The following SCAPER variants were observed in gnomAD, a reference collection of about 807,000 sequenced individuals.
The protein encoded by SCAPER is S-phase cyclin A associated protein in the ER, also known as S phase cyclin A-associated protein in the endoplasmic reticulum.
A neutral mutation model predicts 182.2 loss-of-function variants in SCAPER; 98 were observed. The observed-to-expected ratio is 0.54, with a 90% CI of 0.46 to 0.64. SCAPER has a LOEUF of 0.64. SCAPER is among the 30% of genes least tolerant of loss of function. SCAPER has a pLI of 0.00. For synonymous variants in SCAPER, 605 were observed against 564.6 expected, an observed-to-expected ratio of 1.07 and a Z score of -1.01; for missense variants, 1,432 against 1,690.0, an observed-to-expected ratio of 0.85 and a Z score of 2.68.
intron 29 of SCAPER, among the ~76,000 whole-genome samples, chr15:76,372,400 G>C (rs982612567): frequency 2.6e-5 from 4 of 152,048 alleles, no homozygotes; most frequent in African/African-American, 9.7e-5. Context: ...CCATGTCCAA[G>C]TCAGGTCTTA....
At chr15:76,873,336 AGGCAGGCAGGCAGGCAGGC>A (rs1568382545) in intron 2 of SCAPER, among the ~76,000 whole-genome samples, 761 of 60,774 alleles carry the variant, frequency 0.013, 4 homozygotes, top group Middle Eastern at 0.031. Context: ...GAAGGAAGGC[AGGCAGGCAGGCAGGCAGGC>A]AGGCAGGCAG....
At chr15:76,754,293 C>T (rs2062276197) in intron 14 of SCAPER, among the ~76,000 whole-genome samples, 1 of 152,002 alleles carries the variant, frequency 6.6e-6, no homozygotes, top group Admixed American at 6.6e-5. Flanking sequence ...GAAATATTTG[C>T]TATTATTCTT....
chr15:76,701,715 G>T, intron 20 of SCAPER, 43 bp downstream of exon 20: 1 of 1,409,324 alleles, frequency 7.1e-7, no homozygotes, highest in Non-Finnish European at 1.0e-6. Flanking sequence ...GCACATATTG[G>T]GTACTCAATA....
intron 24 of SCAPER, among the ~76,000 whole-genome samples, chr15:76,499,542 A>G (rs1224753995): frequency 6.6e-6 from 1 of 152,214 alleles, no homozygotes; most frequent in African/African-American, 2.4e-5. Context: ...AATATTGACT[A>G]TGATGTCCTA....
intron 23 of SCAPER, among the ~76,000 whole-genome samples, chr15:76,507,192 T>C (rs1486806034): frequency 6.6e-6 from 1 of 152,104 alleles, no homozygotes; most frequent in Non-Finnish European, 1.5e-5. Context: ...TCTGGTCCAA[T>C]ATGACTGGCG....
At chr15:76,877,527 CTACAT>C (rs1224600098) in intron 2 of SCAPER, among the ~76,000 whole-genome samples, 3 of 152,170 alleles carry the variant, frequency 2.0e-5, no homozygotes, top group African/African-American at 7.2e-5. Flanking sequence ...AAGCTTGACA[CTACAT>C]TACATTAACA....
chr15:76,745,955 T>A (rs1371506201), intron 15 of SCAPER, among the ~76,000 whole-genome samples: 2 of 152,108 alleles, frequency 1.3e-5, no homozygotes, highest in Non-Finnish European at 2.9e-5. Flanking sequence ...TAATAATACA[T>A]AGATCAGAAA....
chr15:76,874,166 T>C (rs1391230897), intron 2 of SCAPER, among the ~76,000 whole-genome samples: 1 of 152,166 alleles, frequency 6.6e-6, no homozygotes, highest in East Asian at 1.9e-4. Flanking sequence ...ATTGCTGGGA[T>C]TACAGGCATG....
At chr15:76,502,720 AT>A (rs750270884) in intron 24 of SCAPER, among the ~76,000 whole-genome samples, 22 of 152,224 alleles carry the variant, frequency 1.4e-4, no homozygotes, top group Non-Finnish European at 3.1e-4. Flanking sequence ...TTAAAGTATA[AT>A]TTAAAAGAAA....
chr15:76,853,236 T>G (rs544453319), intron 4 of SCAPER, among the ~76,000 whole-genome samples: 1 of 152,180 alleles, frequency 6.6e-6, no homozygotes, highest in Non-Finnish European at 1.5e-5. Flanking sequence ...CACAGCCAAA[T>G]TCTACCAGAT....
chr15:76,591,103 A>G (rs932419577), intron 22 of SCAPER, among the ~76,000 whole-genome samples: 5 of 152,150 alleles, frequency 3.3e-5, no homozygotes, highest in Non-Finnish European at 7.4e-5. Context: ...TGATGGATAC[A>G]CTAAAAGCCC....
intron 16 of SCAPER, among the ~76,000 whole-genome samples, chr15:76,732,158 G>A (rs528140502): frequency 6.6e-6 from 1 of 152,136 alleles, no homozygotes; most frequent in South Asian, 2.1e-4. Context: ...CAAACACTAG[G>A]TTACTCCATT....
intron 15 of SCAPER, among the ~76,000 whole-genome samples, chr15:76,747,879 T>A (rs761160453): frequency 1.5e-4 from 23 of 152,132 alleles, no homozygotes; most frequent in Non-Finnish European, 2.8e-4. Flanking sequence ...CTTTATAAAT[T>A]ACCCAGCCTC....
Position 76,440,985 on chromosome 15 carries a change from G to A in SCAPER, c.3079-6675C>T, listed in dbSNP as rs1482393833. ...CGCCCAGGCTGGGGTGCAGTGGCAC[G>A]ATCTTGGCTCACTGCAAGCTCCGCC... On this transcript the variant is annotated intron_variant, in intron 25 of 31. Transcript: ENST00000563290. Among the ~76,000 whole-genome samples the A allele has an allele frequency of 3.9e-5, 5 of 127,046 alleles. No homozygotes were observed. In the Admixed American group the frequency reaches 4.0e-4, roughly 10 times the overall value. 83.3% of individuals were successfully genotyped at this position (127,046 alleles called of 152,430 possible). A position where few individuals can be genotyped will look rare whatever the true frequency, so the allele number is the denominator to read the frequency against.
chr15:76,802,544 C>T (rs1220495940), intron 6 of SCAPER, among the ~76,000 whole-genome samples: 1 of 152,112 alleles, frequency 6.6e-6, no homozygotes, highest in Admixed American at 6.6e-5. Flanking sequence ...ACTGAAAAAC[C>T]ATCAAAAATT....
chr15:76,437,462 G>C (rs1054805977), intron 25 of SCAPER, among the ~76,000 whole-genome samples: 5 of 152,192 alleles, frequency 3.3e-5, no homozygotes, highest in African/African-American at 9.7e-5. Flanking sequence ...TCTCGACAGA[G>C]AGAATGTAAT....
chr15:76,392,164 T>C (rs1000334223), intron 27 of SCAPER, among the ~76,000 whole-genome samples: 5 of 152,230 alleles, frequency 3.3e-5, no homozygotes, highest in African/African-American at 1.2e-4. Flanking sequence ...TGAATATGGT[T>C]TGGGCCTTAA....
intron 4 of SCAPER, among the ~76,000 whole-genome samples, chr15:76,854,636 C>T (rs1436161205): frequency 6.6e-6 from 1 of 151,630 alleles, no homozygotes; most frequent in Non-Finnish European, 1.5e-5. Flanking sequence ...ACCAAAAAAA[C>T]GCCCAAATAG....
At chr15:76,349,697 A>G (rs943183259) in intron 31 of SCAPER, 3 of 152,104 alleles carry the variant, frequency 2.0e-5, no homozygotes, top group Admixed American at 2.0e-4. Flanking sequence ...GCTGTCATTA[A>G]CATAGTGATG....
Sources: gnomAD v4.1 joint callset for allele counts (sites outside exome capture counted in the v4.1 genomes callset) on GRCh38, gnomAD v4.1.1 for gene constraint, MANE v1.5 for transcripts, NCBI Gene and HGNC (gene_info 2026-07-23, HGNC 2026-07-21) for gene names.